Variants in PAXIP1 observed in about 807,000 individuals in gnomAD.
PAXIP1 encodes PAX interacting protein 1, also known as PAX-interacting protein 1.
Under a neutral mutation model 140.6 loss-of-function variants are expected in PAXIP1, and 19 were observed. That is an observed-to-expected ratio of 0.14 (90% CI 0.09 to 0.20). PAXIP1 has a LOEUF of 0.20. PAXIP1 is among the 10% of genes least tolerant of loss of function. The pLI is 1.00. For missense variants in PAXIP1, 920 were observed against 1,208.6 expected (o/e 0.76, Z 3.54); for synonymous variants, 442 against 444.6 (o/e 0.99, Z 0.07).
chr7:154,979,006 T>C (rs568042686), intron 5 of PAXIP1, among the ~76,000 whole-genome samples: 2 of 152,328 alleles, frequency 1.3e-5, no homozygotes, highest in South Asian at 4.1e-4. Context: ...AGCCTTACTA[T>C]ATTTCACTCA....
At chr7:154,990,857 A>C in intron 4 of PAXIP1, 149 bp downstream of exon 4, 1 of 461,510 alleles carries the variant, frequency 2.2e-6, no homozygotes, top group Non-Finnish European at 3.9e-6. Flanking sequence ...ATATTTAAAT[A>C]ATTTTAAGTG....
At chr7:154,966,530 C>G (rs1223899556) in intron 8 of PAXIP1, among the ~76,000 whole-genome samples, 5 of 152,194 alleles carry the variant, frequency 3.3e-5, no homozygotes, top group Non-Finnish European at 5.9e-5. Flanking sequence ...AACTTGAAAA[C>G]AAGACAAAAA....
At chr7:154,982,230 C>T (rs572296272) in intron 5 of PAXIP1, among the ~76,000 whole-genome samples, 1 of 152,258 alleles carries the variant, frequency 6.6e-6, no homozygotes, top group African/African-American at 2.4e-5. Flanking sequence ...TTATATAATG[C>T]TTTCTATAGA....
chr7:154,957,884 G>A (rs370962696), intron 13 of PAXIP1, among the ~76,000 whole-genome samples: 20 of 149,844 alleles, frequency 1.3e-4, no homozygotes, highest in African/African-American at 4.4e-4. Flanking sequence ...GGAGAATGGC[G>A]TGAACCCGGG....
chr7:154,955,479 C>CA, intron 15 of PAXIP1, 50 bp downstream of exon 15: 1 of 1,097,278 alleles, frequency 9.1e-7, no homozygotes, highest in South Asian at 1.3e-5. Context: ...TAAATATATA[C>CA]AAAAAAGGAC....
At chr7:154,984,698 A>G (rs1443553624) in intron 4 of PAXIP1, among the ~76,000 whole-genome samples, 1 of 152,240 alleles carries the variant, frequency 6.6e-6, no homozygotes, top group Non-Finnish European at 1.5e-5. Flanking sequence ...TCACAAAAAC[A>G]TTTATATCCT....
chr7:154,972,575 G>T (rs900085363), intron 6 of PAXIP1, among the ~76,000 whole-genome samples: 2 of 152,198 alleles, frequency 1.3e-5, no homozygotes, highest in African/African-American at 4.8e-5. Context: ...ACAGATAAAT[G>T]AAAAGCAAAG....
intron 2 of PAXIP1, among the ~76,000 whole-genome samples, chr7:154,998,120 T>C (rs1810724224): frequency 6.6e-6 from 1 of 152,198 alleles, no homozygotes; most frequent in African/African-American, 2.4e-5. Context: ...ACAGAAGCCA[T>C]GCTCTACCTT....
In PAXIP1 at chr7:154,946,444, G is replaced by A. The variant is rs745881397; in HGVS notation, c.3134-19C>T. 6.2e-7 allele frequency: 1 copy of A among 1,612,064 alleles called. No homozygotes were observed. The highest frequency in any genetic ancestry group is 1.1e-5 in the South Asian group (1 of 91,064). On this transcript the variant is annotated intron_variant, in intron 19 of 20. Transcript: ENST00000404141. This position sits in a 1 kb window ranked among gnomAD's most constrained non-coding sequence, Gnocchi z 4.9. ...TGAACATCTGAACAGGGTGGAAACA[G>A]ACACTTTAGTTAGAGATCCACTGCT... is the stretch of plus-strand genomic sequence containing the variant.
chr7:154,969,147 G>C, intron 6 of PAXIP1, 21 bp from the exon 7 acceptor site: 1 of 1,449,756 alleles, frequency 6.9e-7, no homozygotes, highest in East Asian at 2.5e-5. Flanking sequence ...AAAGTTAGGT[G>C]AAACATTATC....
In PAXIP1 at chr7:154,947,944, C is replaced by T; in HGVS notation, c.2881G>A (p.Glu961Lys). 1 of 1,613,614 alleles carries T rather than the reference C, an allele frequency of 6.2e-7. No individual in the cohort carries two copies. Among genetic ancestry groups the T allele is most frequent in the Non-Finnish European group, 8.5e-7 (1 of 1,179,576 alleles). ...EAEVLFSFSL[E>K]ESLKRAHVSP... ...ACGTGTGCCCGTTTTAAGGATTCTT[C>T]CAAGCTGAAAGAGAAAAGTACTTCT... Residue 961 changes from glutamate to lysine, a missense_variant, in exon 17 of 21, where the codon GAA (glutamate) becomes AAA (lysine). This residue lies in a region of PAXIP1 where 303 missense variants were observed against 517.9 expected (regional missense o/e 0.59). Coordinates refer to ENST00000404141, the MANE Select transcript of PAXIP1 (RefSeq NM_007349.4).
intron 4 of PAXIP1, 118 bp from the exon 5 acceptor site, chr7:154,983,450 G>C: frequency 1.6e-6 from 1 of 608,222 alleles, no homozygotes. Context: ...ATTAACCTAA[G>C]AATATTTGTA....
intron 4 of PAXIP1, among the ~76,000 whole-genome samples, chr7:154,989,173 A>G (rs1235547480): frequency 5.3e-5 from 8 of 152,244 alleles, no homozygotes; most frequent in Admixed American, 5.2e-4. Flanking sequence ...TCCAGAATAC[A>G]AGAGACACCA....
chr7:154,969,866 T>C (rs2150758875), intron 6 of PAXIP1, among the ~76,000 whole-genome samples: 1 of 152,234 alleles, frequency 6.6e-6, no homozygotes, highest in African/African-American at 2.4e-5. Flanking sequence ...AGCTGGGAAA[T>C]GATGCTTCCT....
rs954569814 is a variant in PAXIP1 at position 154,943,955 on chromosome 7, T to C, written c.*194A>G. The C allele has an allele frequency of 1.6e-6, 1 of 627,900 alleles. No individual in the cohort carries two copies. The highest frequency in any genetic ancestry group is 1.8e-5 in the African/African-American group (1 of 54,392). The allele number at this position is 627,900 out of a possible 1,614,324, so 38.9% of individuals were successfully genotyped here. On this transcript the variant is annotated 3_prime_UTR_variant, in exon 21 of 21. Coordinates refer to ENST00000404141, the MANE Select transcript of PAXIP1 (RefSeq NM_007349.4). ...CATATAATACAAAACATAATTTATGTTTCCTCAGAATAAAATTGCACATCT... is the reference window on the plus strand; with the variant it reads ...CATATAATACAAAACATAATTTATGCTTCCTCAGAATAAAATTGCACATCT...
chr7:154,948,269 G>T, intron 16 of PAXIP1: 1 of 387,636 alleles, frequency 2.6e-6, no homozygotes, highest in Admixed American at 3.8e-5. Flanking sequence ...AAACGGGCTG[G>T]GTGTGGTGGT....
At chr7:154,968,354 G>T in intron 7 of PAXIP1, 49 bp downstream of exon 7, 1 of 1,452,034 alleles carries the variant, frequency 6.9e-7, no homozygotes, top group Non-Finnish European at 9.2e-7. Flanking sequence ...AAGCATTTAT[G>T]TGGGTACAAG....
At chr7:154,978,109 C>G (rs1809685373) in intron 5 of PAXIP1, among the ~76,000 whole-genome samples, 1 of 152,234 alleles carries the variant, frequency 6.6e-6, no homozygotes, top group Admixed American at 6.5e-5. Context: ...TAAAGACTTT[C>G]TAAACCACCA....
chr7:154,991,246 A>G (rs1810316807), intron 3 of PAXIP1, among the ~76,000 whole-genome samples, 177 bp from the exon 4 acceptor site: 2 of 152,202 alleles, frequency 1.3e-5, no homozygotes, highest in Admixed American at 1.3e-4. Flanking sequence ...TGGCACAGAA[A>G]GAACTGAGTG....
Sources: gnomAD v4.1 joint callset for allele counts (sites outside exome capture counted in the v4.1 genomes callset) on GRCh38, gnomAD v4.1.1 for gene constraint, gnomAD v4.1.1 regional missense constraint, Gnocchi (gnomAD v3.1) non-coding constraint, MANE v1.5 for transcripts, NCBI Gene and HGNC (gene_info 2026-07-23, HGNC 2026-07-21) for gene names.